DOCK5: variants seen among roughly 807,000 people sequenced by gnomAD.
The protein encoded by DOCK5 is dedicator of cytokinesis 5, also known as dedicator of cytokinesis protein 5.
Under a neutral mutation model 251.8 loss-of-function variants are expected in DOCK5, and 142 were observed. The observed-to-expected ratio is 0.56, with a 90% CI of 0.49 to 0.65. DOCK5 has a LOEUF of 0.65. DOCK5 is among the 30% of genes least tolerant of loss of function. The pLI, the probability that DOCK5 is intolerant of heterozygous loss-of-function variation, is 0.00. For missense variants in DOCK5, 2,111 were observed against 2,312.3 expected (o/e 0.91, Z 1.79); for synonymous variants, 842 against 835.5 (o/e 1.01, Z -0.13).
chr8:25,217,391 C>T (rs565287414), intron 1 of DOCK5, among the ~76,000 whole-genome samples: 8 of 152,010 alleles, frequency 5.3e-5, no homozygotes, highest in Admixed American at 2.6e-4. Context: ...AACTTAAAAA[C>T]GGGGAACTGA....
intron 1 of DOCK5, among the ~76,000 whole-genome samples, chr8:25,191,617 G>A (rs901725971): frequency 6.6e-6 from 1 of 152,066 alleles, no homozygotes; most frequent in Non-Finnish European, 1.5e-5. Flanking sequence ...CATTTGAGCT[G>A]CTTTACCTGT....
At chr8:25,410,047 G>T in intron 50 of DOCK5, 52 bp from the exon 51 acceptor site, 8 of 1,480,178 alleles carry the variant, frequency 5.4e-6, no homozygotes, top group Non-Finnish European at 7.4e-6. Flanking sequence ...ATTTCCATGA[G>T]CTTCCTTGCT....
chr8:25,293,100 G>C (rs1171780736), intron 6 of DOCK5, among the ~76,000 whole-genome samples: 1 of 152,150 alleles, frequency 6.6e-6, no homozygotes, highest in Non-Finnish European at 1.5e-5. Flanking sequence ...GTGGCCTGGG[G>C]TTTTTGCCTC....
chr8:25,207,424 A>G (rs1334768196), intron 1 of DOCK5, among the ~76,000 whole-genome samples: 2 of 152,218 alleles, frequency 1.3e-5, no homozygotes, highest in Non-Finnish European at 2.9e-5. Flanking sequence ...AGAGAGGAGA[A>G]GTCAGTGACG....
intron 29 of DOCK5, among the ~76,000 whole-genome samples, 165 bp from the exon 30 acceptor site, chr8:25,364,461 C>G (rs1003250539): frequency 1.2e-4 from 19 of 152,114 alleles, no homozygotes; most frequent in Non-Finnish European, 2.9e-5. Context: ...CCTCCTGTGC[C>G]CCATCTGCGG....
At chr8:25,188,210 A>C (rs1268428592) in intron 1 of DOCK5, among the ~76,000 whole-genome samples, 1 of 152,154 alleles carries the variant, frequency 6.6e-6, no homozygotes, top group Non-Finnish European at 1.5e-5. Context: ...AGGAAGGGAG[A>C]GCCTCCACTC....
chr8:25,321,015 T>C lies in DOCK5; in HGVS notation c.1578T>C (p.His526=), dbSNP rs1235804477. Residue 526 remains histidine (H), a synonymous_variant, in exon 16 of 52, where the codon CAT becomes CAC. Coordinates refer to ENST00000276440, the MANE Select transcript of DOCK5 (RefSeq NM_024940.8). ...CTATAGAAGAAGTCACACGCTGTCATATAAGATTTACCTTCCGACACAGGT... is the reference window on the plus strand; with the variant it reads ...CTATAGAAGAAGTCACACGCTGTCACATAAGATTTACCTTCCGACACAGGT... ...SIAIEEVTRC[H]IRFTFRHRSS... The C allele has an allele frequency of 6.2e-7, 1 of 1,613,626 alleles. No individual in the cohort carries two copies. The highest frequency in any genetic ancestry group is 1.3e-5 in the African/African-American group (1 of 75,060).
At chr8:25,260,157 A>G (rs1052672621) in intron 2 of DOCK5, among the ~76,000 whole-genome samples, 1 of 152,102 alleles carries the variant, frequency 6.6e-6, no homozygotes, top group African/African-American at 2.4e-5. Context: ...ATCAGCTTCT[A>G]TTGGAAGGAC....
chr8:25,229,086 A>T (rs915738664), intron 1 of DOCK5, among the ~76,000 whole-genome samples: 1 of 151,722 alleles, frequency 6.6e-6, no homozygotes, highest in South Asian at 2.1e-4. Context: ...AAAAAAAAAA[A>T]TTGTGATGCA....
chr8:25,350,467 C>G (rs2117247664), intron 26 of DOCK5, among the ~76,000 whole-genome samples: 1 of 152,256 alleles, frequency 6.6e-6, no homozygotes, highest in Admixed American at 6.5e-5. Context: ...GTTACTGTCC[C>G]CCTTTTGCAG....
Position 25,341,007 on chromosome 8 carries a change from T to C in DOCK5, c.2439+19T>C, listed in dbSNP as rs770919383. The C allele has an allele frequency of 1.3e-6, 2 of 1,584,854 alleles. No individual in the cohort carries two copies. The highest frequency in any genetic ancestry group is 1.7e-6 in the Non-Finnish European group (2 of 1,158,678). On this transcript the variant is annotated intron_variant, in intron 23 of 51. Transcript: ENST00000276440. ...GATCAAGGTCAGCCTGGCAGCATCA[T>C]GGGTAACTCTTCTTAGGCTGTGGTA...
chr8:25,292,191 G>C lies in DOCK5; in HGVS notation c.470+19G>C. ...GGAACAGGTAGGTAAACCAGGGATG[G>C]CTTTTCACTGAAAACTTGGCGAACA... On this transcript the variant is annotated intron_variant, in intron 6 of 51. Transcript: ENST00000276440. 1 of 1,542,832 alleles carries C rather than the reference G, an allele frequency of 6.5e-7. No individual in the cohort carries two copies.
chr8:25,206,564 A>G (rs1278540556), intron 1 of DOCK5, among the ~76,000 whole-genome samples: 1 of 152,142 alleles, frequency 6.6e-6, no homozygotes, highest in Non-Finnish European at 1.5e-5. Flanking sequence ...TAGTTCCTAC[A>G]TGACAAATAG....
At chr8:25,285,527 C>T (rs1586295149) in intron 5 of DOCK5, among the ~76,000 whole-genome samples, 1 of 152,246 alleles carries the variant, frequency 6.6e-6, no homozygotes, top group East Asian at 1.9e-4. Context: ...CAATAAAGAA[C>T]CCTGTGGCAG....
intron 1 of DOCK5, 46 bp downstream of exon 1, chr8:25,184,997 G>A (rs939332022): frequency 1.4e-5 from 18 of 1,321,264 alleles, no homozygotes; most frequent in Middle Eastern, 2.3e-4. Flanking sequence ...ACGCGGCCAA[G>A]TTCGCGGACA....
intron 2 of DOCK5, among the ~76,000 whole-genome samples, chr8:25,250,192 C>T (rs1267276576): frequency 3.9e-5 from 6 of 152,138 alleles, no homozygotes; most frequent in South Asian, 2.1e-4. Flanking sequence ...TCCAGATGAA[C>T]GAGCTTCTAT....
At chr8:25,383,810 A>C (rs2659581) in intron 40 of DOCK5, among the ~76,000 whole-genome samples, 135,486 of 152,012 alleles carry the variant, frequency 0.89, 61,032 homozygotes, top group East Asian at 1. Flanking sequence ...AGCCGAGATC[A>C]CACCACTGCA....
chr8:25,310,361 A>C (rs373412805), intron 12 of DOCK5, 46 bp from the exon 13 acceptor site: 11 of 1,564,746 alleles, frequency 7.0e-6, no homozygotes, highest in Non-Finnish European at 8.6e-6. Context: ...CATGTGTTTT[A>C]TACATCATAC....
chr8:25,224,816 C>A (rs1411383229), intron 1 of DOCK5, among the ~76,000 whole-genome samples: 1 of 152,220 alleles, frequency 6.6e-6, no homozygotes, highest in Admixed American at 6.5e-5. Flanking sequence ...ATTGGCCCCA[C>A]CTCTGCTCTG....
Sources: gnomAD v4.1 joint callset for allele counts (sites outside exome capture counted in the v4.1 genomes callset) on GRCh38, gnomAD v4.1.1 for gene constraint, MANE v1.5 for transcripts, NCBI Gene and HGNC (gene_info 2026-07-23, HGNC 2026-07-21) for gene names.